Variants in RPS6KC1 observed in about 807,000 individuals in gnomAD.
RPS6KC1 encodes inactive ribosomal protein S6 kinase delta-1.
A neutral mutation model predicts 103.8 loss-of-function variants in RPS6KC1; 54 were observed. The ratio of observed to expected loss-of-function variants is 0.52; its 90% CI spans 0.42 to 0.65. RPS6KC1 has a LOEUF of 0.65. Among genes scored for constraint, RPS6KC1 ranks in the 30% least tolerant of loss-of-function variants. The pLI, the probability that RPS6KC1 is intolerant of heterozygous loss-of-function variation, is 0.00. For synonymous variants in RPS6KC1, 439 were observed against 438.7 expected, an observed-to-expected ratio of 1.00 and a Z score of -0.01; for missense variants, 1,151 against 1,253.8, an observed-to-expected ratio of 0.92 and a Z score of 1.24.
the RPS6KC1 span, among the ~76,000 whole-genome samples, chr1:213,439,112 G>T: frequency 6.6e-6 from 1 of 152,130 alleles, no homozygotes; most frequent in African/African-American, 2.4e-5. Flanking sequence ...GGTTTCTTAA[G>T]TTATAACTGC....
intron 6 of RPS6KC1, among the ~76,000 whole-genome samples, chr1:213,134,934 T>A (rs1413063132): frequency 6.6e-6 from 1 of 152,174 alleles, no homozygotes; most frequent in African/African-American, 2.4e-5. Context: ...TCTCACCTAA[T>A]GCTCTGGCTA....
At chr1:213,327,504 T>A in the RPS6KC1 span, among the ~76,000 whole-genome samples, 1 of 152,196 alleles carries the variant, frequency 6.6e-6, no homozygotes, top group African/African-American at 2.4e-5. Context: ...TGTGCCTGAC[T>A]TGCGGGTGGT....
chr1:213,301,145 G>A, the RPS6KC1 span, among the ~76,000 whole-genome samples: 1 of 152,084 alleles, frequency 6.6e-6, no homozygotes, highest in Non-Finnish European at 1.5e-5. Context: ...CCAAATATTT[G>A]GAGACATCTG....
In RPS6KC1 at chr1:213,163,385, A is replaced by G. The variant is rs185066670; in HGVS notation, c.836-4473A>G. 5.7e-3 allele frequency among the ~76,000 whole-genome samples: 870 copies of G among 152,376 alleles called. 11 individuals carry two copies. The highest frequency in any genetic ancestry group is 0.017 in the African/African-American group (727 of 41,586). ...AGAATATAATAAAATGTGACTAAGT[A>G]GAGTCTTATGTGGGGATTAACTTCT... On this transcript the variant is annotated intron_variant, in intron 6 of 14. Coordinates refer to ENST00000366960, the MANE Select transcript of RPS6KC1 (RefSeq NM_012424.6).
intron 8 of RPS6KC1, among the ~76,000 whole-genome samples, chr1:213,179,531 T>A (rs1206097833): frequency 6.6e-6 from 1 of 152,200 alleles, no homozygotes; most frequent in Non-Finnish European, 1.5e-5. Context: ...TTTTAGAAAC[T>A]TGAAGTATGG....
intron 12 of RPS6KC1, among the ~76,000 whole-genome samples, chr1:213,249,496 C>G (rs1242913526): frequency 6.6e-6 from 1 of 152,210 alleles, no homozygotes; most frequent in East Asian, 1.9e-4. Context: ...GCGTGTAGCT[C>G]TCTGCCTAAC....
intron 6 of RPS6KC1, among the ~76,000 whole-genome samples, chr1:213,166,748 G>A (rs780262313): frequency 1.3e-5 from 2 of 152,104 alleles, no homozygotes; most frequent in Non-Finnish European, 2.9e-5. Context: ...GCAGCTTTTC[G>A]TTGAGGTCCG....
the RPS6KC1 span, among the ~76,000 whole-genome samples, chr1:213,623,778 G>T: frequency 4.3e-4 from 66 of 152,182 alleles, no homozygotes; most frequent in Non-Finnish European, 9.0e-4. Context: ...CAGAGGCAAG[G>T]GCAAGGCAGA....
chr1:213,776,142 A>C, the RPS6KC1 span, among the ~76,000 whole-genome samples: 1 of 152,318 alleles, frequency 6.6e-6, no homozygotes, highest in East Asian at 1.9e-4. Context: ...GTTTGAATCA[A>C]CTTATTTCAA....
At chr1:213,254,445 AG>A (rs142333319) in intron 12 of RPS6KC1, among the ~76,000 whole-genome samples, 38 of 152,184 alleles carry the variant, frequency 2.5e-4, no homozygotes, top group South Asian at 4.2e-4. Flanking sequence ...AAAGGAGAAA[AG>A]GAAGAAGATT....
chr1:213,635,921 C>G, the RPS6KC1 span, among the ~76,000 whole-genome samples: 8 of 152,222 alleles, frequency 5.3e-5, no homozygotes, highest in African/African-American at 1.7e-4. Context: ...TCAGCAAAGT[C>G]TCAGGATACA....
At chr1:213,701,307 C>A in the RPS6KC1 span, among the ~76,000 whole-genome samples, 3 of 151,842 alleles carry the variant, frequency 2.0e-5, no homozygotes, top group African/African-American at 7.2e-5. Context: ...TCAGTTGAAA[C>A]AATGATGTGG....
chr1:213,359,301 C>T, the RPS6KC1 span, among the ~76,000 whole-genome samples: 8 of 152,228 alleles, frequency 5.3e-5, no homozygotes, highest in East Asian at 1.9e-4. Flanking sequence ...ATCCCTTTAC[C>T]GTTATGTAAT....
intron 12 of RPS6KC1, among the ~76,000 whole-genome samples, chr1:213,247,297 T>C (rs564077200): frequency 6.6e-6 from 1 of 152,292 alleles, no homozygotes; most frequent in South Asian, 2.1e-4. Flanking sequence ...AAGTGAAACA[T>C]AGAAAAATCA....
chr1:213,245,588 C>G (rs563296947), intron 12 of RPS6KC1, among the ~76,000 whole-genome samples: 17 of 152,120 alleles, frequency 1.1e-4, no homozygotes, highest in Non-Finnish European at 1.9e-4. Context: ...ATCCACCTGC[C>G]CTGTGCTTTA....
chr1:213,182,146 A>G (rs1335608294), intron 8 of RPS6KC1, among the ~76,000 whole-genome samples: 1 of 152,012 alleles, frequency 6.6e-6, no homozygotes. Flanking sequence ...AGTTATGTAT[A>G]TATAATATAA....
chr1:213,136,969 C>G (rs774840319), intron 6 of RPS6KC1, among the ~76,000 whole-genome samples: 5 of 152,170 alleles, frequency 3.3e-5, no homozygotes, highest in Admixed American at 6.5e-5. Flanking sequence ...GCCAGGACTT[C>G]AGTGTGAGCC....
At chr1:213,760,521 T>G in the RPS6KC1 span, among the ~76,000 whole-genome samples, 1 of 152,304 alleles carries the variant, frequency 6.6e-6, no homozygotes, top group East Asian at 1.9e-4. Context: ...TCAGGCAAGC[T>G]TTGCTTCTGC....
the RPS6KC1 span, among the ~76,000 whole-genome samples, chr1:213,307,881 C>T: frequency 3.3e-5 from 5 of 152,210 alleles, no homozygotes; most frequent in Non-Finnish European, 7.3e-5. Context: ...TTGGCTCCCC[C>T]AGTCTCCCGC....
Sources: allele counts gnomAD v4.1 joint callset (sites outside exome capture counted in the v4.1 genomes callset), GRCh38; gene constraint gnomAD v4.1.1; transcripts MANE v1.5; gene names NCBI Gene and HGNC (gene_info 2026-07-23, HGNC 2026-07-21).